The following FAF1 variants were observed in gnomAD, a reference collection of about 807,000 sequenced individuals.
FAF1 encodes Fas associated factor 1.
In FAF1, 25 loss-of-function variants were observed where a neutral mutation model predicts 92.5. The observed-to-expected ratio is 0.27, with a 90% CI of 0.20 to 0.38. FAF1 has a LOEUF of 0.38. FAF1 is among the 10% of genes least tolerant of loss of function. The probability of loss-of-function intolerance (pLI) is 1.00; values close to 1 mark genes in which losing one functional copy is unlikely to be tolerated. For synonymous variants in FAF1, 234 were observed against 273.2 expected (o/e 0.86, Z 1.42); for missense variants, 636 against 793.3 (o/e 0.80, Z 2.38).
intron 4 of FAF1, among the ~76,000 whole-genome samples, chr1:50,783,955 C>T (rs1661272226): frequency 6.6e-6 from 1 of 152,156 alleles, no homozygotes; most frequent in African/African-American, 2.4e-5. Flanking sequence ...GTCACACAAT[C>T]ATCTCAATAA....
chr1:50,738,432 A>T (rs1245957871), intron 6 of FAF1, among the ~76,000 whole-genome samples: 2 of 147,252 alleles, frequency 1.4e-5, no homozygotes, highest in African/African-American at 2.6e-5. Flanking sequence ...AACAAGAGTG[A>T]AACTCCGTCG....
intron 8 of FAF1, among the ~76,000 whole-genome samples, chr1:50,639,933 CAA>C (rs1197342810): frequency 3.1e-4 from 22 of 70,140 alleles, no homozygotes; most frequent in African/African-American, 4.2e-4. Context: ...GACTCGATCT[CAA>C]AAAAAAAAAA....
At chr1:50,502,904 T>C (rs1647009604) in intron 15 of FAF1, among the ~76,000 whole-genome samples, 1 of 152,152 alleles carries the variant, frequency 6.6e-6, no homozygotes, top group South Asian at 2.1e-4. Context: ...ACTGCAGTTT[T>C]AAACTCCTGG....
chr1:50,735,392 CTTCGA>C (rs969892204), intron 6 of FAF1, among the ~76,000 whole-genome samples: 2 of 152,162 alleles, frequency 1.3e-5, no homozygotes, highest in African/African-American at 4.8e-5. Context: ...AGAGTTTGCT[CTTCGA>C]TTCTCAGAAA....
intron 4 of FAF1, among the ~76,000 whole-genome samples, chr1:50,776,000 TAGA>T (rs1192618475): frequency 6.6e-6 from 1 of 152,106 alleles, no homozygotes; most frequent in African/African-American, 2.4e-5. Context: ...CTGGAACAGC[TAGA>T]AGAAGCAGGA....
At chr1:50,762,772 G>C (rs1660383039) in intron 4 of FAF1, among the ~76,000 whole-genome samples, 1 of 151,958 alleles carries the variant, frequency 6.6e-6, no homozygotes, top group Non-Finnish European at 1.5e-5. Flanking sequence ...TCAGGACATA[G>C]GCATGGGCAA....
intron 7 of FAF1, among the ~76,000 whole-genome samples, chr1:50,689,338 A>T (rs1046678356): frequency 2.0e-5 from 3 of 152,194 alleles, no homozygotes; most frequent in African/African-American, 7.2e-5. Flanking sequence ...TAATCCCAGC[A>T]CTTTCAGAGG....
At chr1:50,706,063 AG>A in intron 6 of FAF1, 172 bp from the exon 7 acceptor site, 1 of 531,372 alleles carries the variant, frequency 1.9e-6, no homozygotes, top group Non-Finnish European at 3.4e-6. Context: ...AGAACAACCA[AG>A]GGGAGCTAAC....
rs563046240 is a variant in FAF1 at position 50,470,274 on chromosome 1, A to T, written c.1869+5190T>A. On this transcript the variant is annotated intron_variant, in intron 18 of 18. Coordinates refer to ENST00000396153, the MANE Select transcript of FAF1 (RefSeq NM_007051.3). ...TCTAATTTTAAAATGGAACTCTATAATTTATTAACAGTTTTTAAAAGGACT... is the reference window on the plus strand; with the variant it reads ...TCTAATTTTAAAATGGAACTCTATATTTTATTAACAGTTTTTAAAAGGACT... Among the ~76,000 whole-genome samples the T allele has an allele frequency of 2.6e-5, 4 of 152,272 alleles. No individual in the cohort carries two copies. The East Asian group carries it at 7.7e-4, about 29-fold the overall frequency.
At chr1:50,623,989 G>A (rs1272475010) in intron 8 of FAF1, among the ~76,000 whole-genome samples, 1 of 149,916 alleles carries the variant, frequency 6.7e-6, no homozygotes, top group Non-Finnish European at 1.5e-5. Context: ...GGAAGAAGAG[G>A]AAGAAGAAGG....
At chr1:50,450,193 CAA>C (rs558054363) in intron 18 of FAF1, among the ~76,000 whole-genome samples, 19 of 75,880 alleles carry the variant, frequency 2.5e-4, no homozygotes, top group Admixed American at 4.8e-4. Context: ...GACTCCATCT[CAA>C]AAAAAAAAAA....
intron 17 of FAF1, among the ~76,000 whole-genome samples, chr1:50,489,276 T>C (rs1475606576): frequency 1.3e-5 from 2 of 152,232 alleles, no homozygotes; most frequent in African/African-American, 2.4e-5. Flanking sequence ...CAAAAAACAT[T>C]TGTTAAACAA....
At chr1:50,788,229 GATT>G in intron 3 of FAF1, 24 bp from the exon 4 acceptor site, 1 of 1,585,758 alleles carries the variant, frequency 6.3e-7, no homozygotes, top group Non-Finnish European at 8.7e-7. Flanking sequence ...ATAAAAGAAG[GATT>G]ATTGTCAACT....
intron 7 of FAF1, among the ~76,000 whole-genome samples, chr1:50,700,553 C>T (rs1238511902): frequency 6.6e-6 from 1 of 151,986 alleles, no homozygotes; most frequent in Non-Finnish European, 1.5e-5. Flanking sequence ...GTATTGGTCA[C>T]CAGTGCAATT....
chr1:50,905,297 T>C lies in FAF1; in HGVS notation c.46-47300A>G, dbSNP rs545390300. 4.1e-3 allele frequency among the ~76,000 whole-genome samples: 627 copies of C among 152,344 alleles called. 4 individuals carry two copies. The highest frequency in any genetic ancestry group is 0.013 in the African/African-American group (554 of 41,584). On this transcript the variant is annotated intron_variant, in intron 1 of 18. Transcript: ENST00000396153. ...AATCCAGTCTATCATTGATGGACAT[T>C]TGGGTTGGTTCCAAGTCTTTGCTAT... is the stretch of plus-strand genomic sequence containing the variant.
chr1:50,745,592 T>G (rs1408966075), intron 4 of FAF1, among the ~76,000 whole-genome samples: 1 of 152,120 alleles, frequency 6.6e-6, no homozygotes, highest in Non-Finnish European at 1.5e-5. Flanking sequence ...GTGTGCTACC[T>G]TTCCTCTCTC....
intron 8 of FAF1, among the ~76,000 whole-genome samples, chr1:50,614,179 AT>A (rs1456403664): frequency 2.6e-5 from 4 of 152,154 alleles, no homozygotes; most frequent in African/African-American, 9.7e-5. Flanking sequence ...TTTCAAAAAT[AT>A]TTTGGCACAT....
chr1:50,686,300 T>C (rs550107650), intron 7 of FAF1, among the ~76,000 whole-genome samples: 25 of 152,158 alleles, frequency 1.6e-4, no homozygotes, highest in African/African-American at 6.0e-4. Context: ...CCCAGCACTT[T>C]GGGAGGCCAA....
intron 6 of FAF1, among the ~76,000 whole-genome samples, chr1:50,718,986 A>C (rs993438376): frequency 6.6e-5 from 10 of 152,360 alleles, no homozygotes; most frequent in African/African-American, 2.2e-4. Flanking sequence ...TAAGAAATCA[A>C]TATGTAAATG....
Sources: allele counts gnomAD v4.1 joint callset (sites outside exome capture counted in the v4.1 genomes callset), GRCh38; gene constraint gnomAD v4.1.1; transcripts MANE v1.5; gene names NCBI Gene and HGNC (gene_info 2026-07-23, HGNC 2026-07-21).